Variants in LYRM4 observed in about 807,000 individuals in gnomAD.
The protein encoded by LYRM4 is LYR motif containing 4, also known as LYR motif-containing protein 4.
A neutral mutation model predicts 11.7 loss-of-function variants in LYRM4; 9 were observed. The ratio of observed to expected loss-of-function variants is 0.77; its 90% confidence interval spans 0.46 to 1.34. The LOEUF (loss-of-function observed/expected upper bound fraction) is 1.34. Among genes scored for constraint, LYRM4 ranks in the 40% most tolerant of loss-of-function variants. The probability of loss-of-function intolerance (pLI) is 0.00; values close to 1 mark genes in which losing one functional copy is unlikely to be tolerated. For synonymous variants in LYRM4, 42 were observed against 40.4 expected (o/e 1.04, Z -0.15); for missense variants, 133 against 112.5 (o/e 1.18, Z -0.82).
intron 2 of LYRM4, among the ~76,000 whole-genome samples, chr6:5,192,588 C>T (rs1227432642): frequency 6.6e-6 from 1 of 152,166 alleles, no homozygotes; most frequent in Non-Finnish European, 1.5e-5. Flanking sequence ...GGACAGAATG[C>T]CTGTGAGGGG....
chr6:5,086,386 C>T, the LYRM4 span: 1 of 1,536,198 alleles, frequency 6.5e-7, no homozygotes, highest in South Asian at 1.2e-5. Context: ...CGAGTGCTTC[C>T]ACTTCTCGCT....
At chr6:5,239,555 G>A (rs1177731037) in intron 1 of LYRM4, among the ~76,000 whole-genome samples, 2 of 152,036 alleles carry the variant, frequency 1.3e-5, no homozygotes, top group African/African-American at 2.4e-5. Flanking sequence ...GGAGCCAAGA[G>A]AGGAGCAGAC....
the LYRM4 span, chr6:5,086,023 C>T: frequency 6.7e-7 from 1 of 1,494,220 alleles, no homozygotes; most frequent in East Asian, 2.8e-5. Flanking sequence ...GCTCGGGGGG[C>T]TGCTGGCCGC....
the LYRM4 span, among the ~76,000 whole-genome samples, chr6:5,048,460 G>A: frequency 1.1e-4 from 16 of 152,152 alleles, no homozygotes; most frequent in Admixed American, 2.6e-4. Context: ...GACTACTGGC[G>A]CATGACACCA....
intron 2 of LYRM4, among the ~76,000 whole-genome samples, chr6:5,133,414 GCCA>G (rs1186446327): frequency 1.3e-5 from 2 of 152,112 alleles, no homozygotes; most frequent in Admixed American, 1.3e-4. Flanking sequence ...AATCTAGCAC[GCCA>G]CCACCACCTG....
chr6:5,041,036 C>G, the LYRM4 span, among the ~76,000 whole-genome samples: 1 of 152,026 alleles, frequency 6.6e-6, no homozygotes, highest in Non-Finnish European at 1.5e-5. Flanking sequence ...GGTGGTGGCC[C>G]GTGCCTGTAG....
chr6:5,045,306 C>T, the LYRM4 span, among the ~76,000 whole-genome samples: 1 of 152,196 alleles, frequency 6.6e-6, no homozygotes, highest in Non-Finnish European at 1.5e-5. Flanking sequence ...AGTCCCGCCA[C>T]GTGCTACAAC....
At chr6:5,084,417 G>A in the LYRM4 span, among the ~76,000 whole-genome samples, 4 of 152,116 alleles carry the variant, frequency 2.6e-5, no homozygotes, top group Non-Finnish European at 5.9e-5. Context: ...GGGTGCTTGG[G>A]GCGCTGGCGT....
At chr6:5,044,643 G>A in the LYRM4 span, among the ~76,000 whole-genome samples, 1 of 152,118 alleles carries the variant, frequency 6.6e-6, no homozygotes, top group Non-Finnish European at 1.5e-5. Flanking sequence ...TTCAACAGAA[G>A]AAAATGTATC....
chr6:5,228,769 G>A (rs1273650382), intron 1 of LYRM4, among the ~76,000 whole-genome samples: 5 of 151,832 alleles, frequency 3.3e-5, no homozygotes, highest in Non-Finnish European at 4.4e-5. Context: ...GGGAGGCTGA[G>A]GTGGGAGGAT....
chr6:5,111,368 C>A (rs557040946), intron 2 of LYRM4, among the ~76,000 whole-genome samples: 1 of 152,198 alleles, frequency 6.6e-6, no homozygotes, highest in Admixed American at 6.5e-5. Context: ...GAAGTGTCCA[C>A]AATCGGACAT....
the LYRM4 span, among the ~76,000 whole-genome samples, chr6:5,063,633 ATGTT>A: frequency 4.7e-3 from 715 of 152,248 alleles, 2 homozygotes; most frequent in African/African-American, 0.016. Context: ...GCCTGGAGTG[ATGTT>A]TGTTCAGTGA....
the LYRM4 span, among the ~76,000 whole-genome samples, chr6:5,064,767 A>T: frequency 1.3e-5 from 2 of 152,192 alleles, no homozygotes. Flanking sequence ...TGGTATTTCA[A>T]TTCATGTACA....
At chr6:5,082,728 ATGACTCAAAACCTTT>A in the LYRM4 span, among the ~76,000 whole-genome samples, 2 of 152,208 alleles carry the variant, frequency 1.3e-5, no homozygotes, top group African/African-American at 4.8e-5. Context: ...AGTCACATTC[ATGACTCAAAACCTTT>A]TGACGGCCTC....
chr6:5,139,028 T>C (rs1757264345), intron 2 of LYRM4, among the ~76,000 whole-genome samples: 1 of 152,264 alleles, frequency 6.6e-6, no homozygotes, highest in South Asian at 2.1e-4. Context: ...GTTCGTTGAG[T>C]ACCTACTATG....
chr6:5,073,488 A>G, the LYRM4 span, among the ~76,000 whole-genome samples: 1 of 148,318 alleles, frequency 6.7e-6, no homozygotes, highest in Non-Finnish European at 1.5e-5. Flanking sequence ...TTATATATCT[A>G]TATATATCTC....
chr6:5,139,042 T>G (rs17139533), intron 2 of LYRM4, among the ~76,000 whole-genome samples: 1 of 152,214 alleles, frequency 6.6e-6, no homozygotes, highest in African/African-American at 2.4e-5. Flanking sequence ...TACTATGTTC[T>G]AGGCACTTAT....
At chr6:5,092,891 T>C in the LYRM4 span, among the ~76,000 whole-genome samples, 1 of 152,200 alleles carries the variant, frequency 6.6e-6, no homozygotes, top group Non-Finnish European at 1.5e-5. Flanking sequence ...GACGCTCGGA[T>C]CACCATTAGG....
the LYRM4 span, among the ~76,000 whole-genome samples, chr6:5,097,428 A>AT: frequency 5.6e-5 from 6 of 106,376 alleles, no homozygotes; most frequent in Admixed American, 1.0e-4. Flanking sequence ...ATGGCAGCTA[A>AT]AGTGATGGGC....
Sources: gnomAD v4.1 joint callset for allele counts (sites outside exome capture counted in the v4.1 genomes callset) on GRCh38, gnomAD v4.1.1 for gene constraint, MANE v1.5 for transcripts, NCBI Gene and HGNC (gene_info 2026-07-23, HGNC 2026-07-21) for gene names.